SPOCK1: variants seen among roughly 807,000 people sequenced by gnomAD.
SPOCK1 encodes the protein testican-1.
Under a neutral mutation model 55.3 loss-of-function variants are expected in SPOCK1, and 23 were observed. The observed-to-expected ratio is 0.42, with a 90% CI of 0.30 to 0.59. The LOEUF (loss-of-function observed/expected upper bound fraction) is 0.59, where lower values mean the gene tolerates loss of function less well. SPOCK1 is among the 20% of genes least tolerant of loss of function. The probability of loss-of-function intolerance (pLI) is 0.22; values close to 1 mark genes in which losing one functional copy is unlikely to be tolerated. For synonymous variants in SPOCK1, 226 were observed against 221.0 expected (o/e 1.02, Z -0.20); for missense variants, 499 against 552.5 (o/e 0.90, Z 0.97).
rs1758027496 is a variant in SPOCK1 at position 137,323,919 on chromosome 5, T to A, written c.187-56864A>T. On this transcript the variant is annotated intron_variant, in intron 2 of 10. Transcript: ENST00000394945. Reference sequence around the variant, plus strand: ...CCATTACGGAAAACAGCATAGAGGGTCCTCAAAAAATTAAAAAGAGAACTA... The same window carrying A: ...CCATTACGGAAAACAGCATAGAGGGACCTCAAAAAATTAAAAAGAGAACTA... Among the ~76,000 whole-genome samples, 3 of 148,848 alleles carry A rather than the reference T, an allele frequency of 2.0e-5. No homozygotes were observed. The South Asian group carries it at 6.6e-4, about 33-fold the overall frequency.
At chr5:137,363,704 A>AT (rs1192066860) in intron 2 of SPOCK1, among the ~76,000 whole-genome samples, 4 of 152,246 alleles carry the variant, frequency 2.6e-5, no homozygotes, top group African/African-American at 7.2e-5. Flanking sequence ...TACCAGGTGC[A>AT]AAATAAATAC....
intron 2 of SPOCK1, among the ~76,000 whole-genome samples, chr5:137,417,712 C>T (rs1389689904): frequency 6.6e-6 from 1 of 152,142 alleles, no homozygotes; most frequent in Non-Finnish European, 1.5e-5. Context: ...ATGCATATCT[C>T]AAAAATTTAT....
At chr5:137,394,569 C>G (rs556610092) in intron 2 of SPOCK1, among the ~76,000 whole-genome samples, 1 of 152,312 alleles carries the variant, frequency 6.6e-6, no homozygotes, top group Admixed American at 6.5e-5. Flanking sequence ...ACATGTGAAG[C>G]CTCCCACAGG....
At chr5:137,356,795 AATAATATATATATATAT>A (rs1750810739) in intron 2 of SPOCK1, among the ~76,000 whole-genome samples, 1 of 75,536 alleles carries the variant, frequency 1.3e-5, no homozygotes, top group African/African-American at 5.2e-5. Context: ...TCTCAAAAAA[AATAATATATATATATAT>A]ATATATATAT....
chr5:137,260,550 C>T (rs1254582022), intron 3 of SPOCK1, among the ~76,000 whole-genome samples: 4 of 152,056 alleles, frequency 2.6e-5, no homozygotes, highest in African/African-American at 9.7e-5. Context: ...GATATGGTCA[C>T]CTTTAGAGAA....
At chr5:137,103,119 T>G (rs1295287901) in intron 5 of SPOCK1, among the ~76,000 whole-genome samples, 1 of 151,994 alleles carries the variant, frequency 6.6e-6, no homozygotes, top group Non-Finnish European at 1.5e-5. Flanking sequence ...GCCTCCAGAG[T>G]AGCTGAGATT....
chr5:137,119,702 T>C (rs1190986758), intron 4 of SPOCK1, among the ~76,000 whole-genome samples: 1 of 152,214 alleles, frequency 6.6e-6, no homozygotes, highest in Non-Finnish European at 1.5e-5. Context: ...CACGCAATGG[T>C]GCAAAAGACT....
chr5:137,175,020 C>G (rs1754828224), intron 3 of SPOCK1, among the ~76,000 whole-genome samples: 2 of 152,188 alleles, frequency 1.3e-5, no homozygotes, highest in Non-Finnish European at 2.9e-5. Context: ...TTTGCAGAAC[C>G]ACTCTCACTC....
rs574722548 is a variant in SPOCK1 at position 137,146,693 on chromosome 5, C to A, written c.233-5999G>T. 3.9e-5 allele frequency among the ~76,000 whole-genome samples: 6 copies of A among 152,310 alleles called. No individual in the cohort carries two copies. The South Asian group carries it at 1.2e-3, about 32-fold the overall frequency. ...GCTTGTTCACCAGCTGACGACAGAG[C>A]CTCTCAGAATATAAAATAGAAGATT... On this transcript the variant is annotated intron_variant, in intron 3 of 10. Coordinates refer to ENST00000394945, the MANE Select transcript of SPOCK1 (RefSeq NM_004598.4).
intron 2 of SPOCK1, among the ~76,000 whole-genome samples, chr5:137,383,699 T>C (rs969513901): frequency 1.3e-5 from 2 of 152,156 alleles, no homozygotes; most frequent in African/African-American, 4.8e-5. Flanking sequence ...ATGGGGGAAG[T>C]CCAAGAAACA....
chr5:137,356,207 C>G (rs565605375), intron 2 of SPOCK1, among the ~76,000 whole-genome samples: 1 of 152,318 alleles, frequency 6.6e-6, no homozygotes, highest in East Asian at 1.9e-4. Flanking sequence ...CTAACTCTAA[C>G]TCGGCCCCAG....
At position 137,053,010 on chromosome 5, in the gene SPOCK1, T is replaced by C. The variant is rs1018882286; in HGVS notation, c.589+14705A>G. 1.0e-3 allele frequency among the ~76,000 whole-genome samples: 156 copies of C among 152,164 alleles called. 2 individuals are homozygous for C. Reference sequence around the variant, plus strand: ...GGGTGTTCTGGTCCAGCATGCCTTGTTGGCTGGTACCATGGGACAATTTTT... The same window carrying C: ...GGGTGTTCTGGTCCAGCATGCCTTGCTGGCTGGTACCATGGGACAATTTTT... On this transcript the variant is annotated intron_variant, in intron 6 of 10. Coordinates refer to ENST00000394945, the MANE Select transcript of SPOCK1 (RefSeq NM_004598.4).
rs139245912 is a variant in SPOCK1, at chr5:137,246,461, A to G, written c.232+20549T>C. Among the ~76,000 whole-genome samples, 170 of 152,306 alleles carry G rather than the reference A, an allele frequency of 1.1e-3. 4 individuals carry two copies. In the Middle Eastern group the frequency reaches 0.014, roughly 12 times the overall value. ...GTTCTACCTCCTGGAATCAAACATA[A>G]CATATTTTCTCCCACTCCCACTTAT... On this transcript the variant is annotated intron_variant, in intron 3 of 10. Coordinates refer to ENST00000394945, the MANE Select transcript of SPOCK1 (RefSeq NM_004598.4).
chr5:136,995,293 C>A (rs1254801556), intron 6 of SPOCK1, among the ~76,000 whole-genome samples: 1 of 152,170 alleles, frequency 6.6e-6, no homozygotes, highest in Non-Finnish European at 1.5e-5. Context: ...AGCCAGGAAC[C>A]AGCATCTCTT....
At chr5:137,015,736 C>T (rs1751438104) in intron 6 of SPOCK1, among the ~76,000 whole-genome samples, 2 of 152,194 alleles carry the variant, frequency 1.3e-5, no homozygotes, top group Non-Finnish European at 2.9e-5. Flanking sequence ...CTTCTGCATG[C>T]AAATCCTCTC....
intron 3 of SPOCK1, among the ~76,000 whole-genome samples, chr5:137,238,063 A>C (rs115049062): frequency 6.6e-6 from 1 of 152,204 alleles, no homozygotes; most frequent in Non-Finnish European, 1.5e-5. Context: ...CTTGGGCAAG[A>C]CTGGTTCACC....
chr5:137,341,736 C>T (rs1750429144), intron 2 of SPOCK1, among the ~76,000 whole-genome samples: 1 of 152,150 alleles, frequency 6.6e-6, no homozygotes, highest in Non-Finnish European at 1.5e-5. Flanking sequence ...CGACACTTCC[C>T]AGCATCCCCT....
intron 6 of SPOCK1, among the ~76,000 whole-genome samples, chr5:137,018,646 T>C (rs1280628929): frequency 6.6e-6 from 1 of 152,208 alleles, no homozygotes; most frequent in Non-Finnish European, 1.5e-5. Flanking sequence ...GCCCCTCTCC[T>C]TCTTAGAGGC....
intron 2 of SPOCK1, among the ~76,000 whole-genome samples, chr5:137,271,732 G>T (rs571987524): frequency 6.6e-6 from 1 of 152,312 alleles, no homozygotes; most frequent in South Asian, 2.1e-4. Flanking sequence ...CTGAGGAAAA[G>T]ATGGGGTGGC....
Sources: allele counts gnomAD v4.1 joint callset (sites outside exome capture counted in the v4.1 genomes callset), GRCh38; gene constraint gnomAD v4.1.1; transcripts MANE v1.5; gene names NCBI Gene and HGNC (gene_info 2026-07-23, HGNC 2026-07-21).